EYA3: variants seen among roughly 807,000 people sequenced by gnomAD.
EYA3 encodes the protein EYA transcriptional coactivator and phosphatase 3.
EYA3 carries 39 observed loss-of-function variants against 80.0 expected under a neutral mutation model. The observed-to-expected ratio is 0.49, with a 90% confidence interval of 0.38 to 0.64. The LOEUF (loss-of-function observed/expected upper bound fraction) is 0.64. Among genes scored for constraint, EYA3 ranks in the 30% least tolerant of loss-of-function variants. The pLI, the probability that EYA3 is intolerant of heterozygous loss-of-function variation, is 0.00. For missense variants in EYA3, 523 were observed against 676.1 expected, an observed-to-expected ratio of 0.77 and a Z score of 2.51; for synonymous variants, 206 against 232.8, an observed-to-expected ratio of 0.88 and a Z score of 1.05.
In EYA3 at chr1:28,004,387, G is replaced by A. The variant is rs754683988; in HGVS notation, c.942C>T (p.Ile314=). The A allele has an allele frequency of 2.5e-6, 4 of 1,608,458 alleles. No individual in the cohort carries two copies. The highest frequency in any genetic ancestry group is 1.1e-5 in the South Asian group (1 of 90,584). ...CAGTAAGAAGTGAGTGGAAGATGAT[G>A]ATGGTTTCATCCAAGTCCCACAGAA... ...RVFLWDLDET[I]IIFHSLLTGS... Residue 314 remains isoleucine, a synonymous_variant, in exon 11 of 18, where the codon ATC becomes ATT. Coordinates refer to ENST00000373871, the MANE Select transcript of EYA3 (RefSeq NM_001990.4).
chr1:28,078,980 T>C (rs1476783845), intron 1 of EYA3, among the ~76,000 whole-genome samples: 3 of 152,184 alleles, frequency 2.0e-5, no homozygotes, highest in Non-Finnish European at 4.4e-5. Context: ...TGATATGCCA[T>C]ACTATAGTCA....
In EYA3 at chr1:28,064,359, C is replaced by CCTCT. The variant is rs753576988; in HGVS notation, c.-68-6269_-68-6266dup. On this transcript the variant is annotated intron_variant, in intron 1 of 17. Transcript: ENST00000373871. ...TTAGGTAGAGAGGGAAGCAAGCCAT[C>CCTCT]CTCTCTCTCTCTCTCTCTCTATATA... Among the ~76,000 whole-genome samples, 445 of 137,446 alleles carry CCTCT rather than the reference C, an allele frequency of 3.2e-3. 5 individuals carry two copies. The highest frequency in any genetic ancestry group is 0.012 in the African/African-American group (424 of 36,164). 90.2% of individuals were successfully genotyped at this position (137,446 alleles called of 152,430 possible).
At chr1:28,062,621 G>T (rs1317947306) in intron 1 of EYA3, among the ~76,000 whole-genome samples, 2 of 150,264 alleles carry the variant, frequency 1.3e-5, no homozygotes, top group African/African-American at 2.4e-5. Flanking sequence ...TGTTATTAAA[G>T]CTCTTAGGCT....
chr1:28,016,408 A>G (rs1642070635), intron 8 of EYA3, among the ~76,000 whole-genome samples: 1 of 152,020 alleles, frequency 6.6e-6, no homozygotes, highest in South Asian at 2.1e-4. Flanking sequence ...ACATGACTAT[A>G]GTTCCAGCTA....
At chr1:28,068,439 T>C (rs939482834) in intron 1 of EYA3, among the ~76,000 whole-genome samples, 1 of 152,180 alleles carries the variant, frequency 6.6e-6, no homozygotes, top group African/African-American at 2.4e-5. Flanking sequence ...GATCTTATGA[T>C]ATAACATCAT....
At chr1:28,007,083 G>T (rs1372077578) in intron 10 of EYA3, among the ~76,000 whole-genome samples, 1 of 151,410 alleles carries the variant, frequency 6.6e-6, no homozygotes, top group Non-Finnish European at 1.5e-5. Flanking sequence ...TGGGATTACA[G>T]GTGTGCACCA....
At chr1:28,058,139 T>C (rs1338038463) in intron 1 of EYA3, 45 bp from the exon 2 acceptor site, 10 of 738,302 alleles carry the variant, frequency 1.4e-5, no homozygotes, top group Non-Finnish European at 1.9e-5. Flanking sequence ...ACTCTTAAAG[T>C]ATTATCATTG....
chr1:27,984,250 C>G (rs12136036), intron 16 of EYA3, among the ~76,000 whole-genome samples: 4,727 of 151,838 alleles, frequency 0.031, 163 homozygotes, highest in African/African-American at 0.084. Flanking sequence ...ATGTTACCCA[C>G]GATGGTCCTG....
At chr1:28,067,556 G>A (rs1644876867) in intron 1 of EYA3, among the ~76,000 whole-genome samples, 1 of 152,110 alleles carries the variant, frequency 6.6e-6, no homozygotes, top group Non-Finnish European at 1.5e-5. Context: ...AAAAATTTCA[G>A]TTTTGAGGGA....
At position 28,067,157 on chromosome 1, in the gene EYA3, T is replaced by C. The variant is rs543491923; in HGVS notation, c.-68-9063A>G. ...TCATAAGATTGGCCACAGCCTAATC[T>C]GAATAATTTTTCTTAGGTGCTCACC... On this transcript the variant is annotated intron_variant, in intron 1 of 17. Coordinates refer to ENST00000373871, the MANE Select transcript of EYA3 (RefSeq NM_001990.4). Among the ~76,000 whole-genome samples the C allele has an allele frequency of 2.8e-3, 433 of 152,314 alleles. 2 individuals carry two copies. The highest frequency in any genetic ancestry group is 4.3e-3 in the Non-Finnish European group (290 of 68,010).
intron 1 of EYA3, among the ~76,000 whole-genome samples, chr1:28,076,884 G>A (rs1295446762): frequency 2.7e-5 from 4 of 150,242 alleles, no homozygotes; most frequent in South Asian, 2.1e-4. Context: ...GGGATTACAG[G>A]CATGCGCCAC....
chr1:27,973,876 C>G lies in EYA3; in HGVS notation c.*590G>C, dbSNP rs931856043. Reference sequence around the variant, plus strand: ...ACCTGCGTCAAAGATCAGACCCTTACCTATAAAAATAACATACACATTCGC... The same window carrying G: ...ACCTGCGTCAAAGATCAGACCCTTAGCTATAAAAATAACATACACATTCGC... On this transcript the variant is annotated 3_prime_UTR_variant, in exon 18 of 18. Transcript: ENST00000373871. 2 of 152,122 alleles carry G rather than the reference C, an allele frequency of 1.3e-5. No individual in the cohort carries two copies. 9.4% of individuals were successfully genotyped at this position (152,122 alleles called of 1,614,324 possible).
At chr1:28,070,493 C>T (rs1306340360) in intron 1 of EYA3, among the ~76,000 whole-genome samples, 1 of 151,946 alleles carries the variant, frequency 6.6e-6, no homozygotes, top group Admixed American at 6.6e-5. Flanking sequence ...ACCCAGGAGG[C>T]AGAGGTTGCA....
At chr1:28,045,174 T>G (rs1211234337) in intron 3 of EYA3, among the ~76,000 whole-genome samples, 3 of 152,216 alleles carry the variant, frequency 2.0e-5, no homozygotes, top group Non-Finnish European at 2.9e-5. Context: ...ACTCAAATGT[T>G]TATATTTTTG....
intron 8 of EYA3, among the ~76,000 whole-genome samples, chr1:28,015,392 G>T (rs907845051): frequency 6.6e-6 from 1 of 152,106 alleles, no homozygotes; most frequent in Non-Finnish European, 1.5e-5. Context: ...AATAGGGAAT[G>T]GGGACTCTCA....
chr1:28,018,133 T>C (rs1014538856), intron 7 of EYA3, among the ~76,000 whole-genome samples: 2 of 151,608 alleles, frequency 1.3e-5, no homozygotes, highest in Admixed American at 6.6e-5. Context: ...GAAGTGGAGG[T>C]TGCAATGAGC....
chr1:27,975,074 T>C (rs554176899), intron 17 of EYA3, among the ~76,000 whole-genome samples: 4 of 152,356 alleles, frequency 2.6e-5, no homozygotes, highest in South Asian at 2.1e-4. Flanking sequence ...CTAAATCTTA[T>C]CTATGTCCAA....
chr1:28,048,515 C>A, intron 2 of EYA3, 89 bp from the exon 3 acceptor site: 1 of 925,758 alleles, frequency 1.1e-6, no homozygotes, highest in Non-Finnish European at 1.7e-6. Flanking sequence ...TTAACTATTA[C>A]AGGATAACTG....
In EYA3 at chr1:28,010,666, T is replaced by C. The variant is rs563971127; in HGVS notation, c.909+281A>G. On this transcript the variant is annotated intron_variant, in intron 10 of 17. Coordinates refer to ENST00000373871, the MANE Select transcript of EYA3 (RefSeq NM_001990.4). The stretch of plus-strand genomic sequence containing the variant: ...GATTACAGATGTAAGCCACCGCACC[T>C]GACCCTTTTAAAATTTTAAATAGAG... 8 of 316,624 alleles carry C rather than the reference T, an allele frequency of 2.5e-5. No homozygotes were observed. The East Asian group carries it at 5.2e-4, about 21-fold the overall frequency. The allele number at this position is 316,624 out of a possible 1,614,324, so 19.6% of individuals were successfully genotyped here. A position where few individuals can be genotyped will look rare whatever the true frequency, so the allele number is the denominator to read the frequency against.
Sources: gnomAD v4.1 joint callset for allele counts (sites outside exome capture counted in the v4.1 genomes callset) on GRCh38, gnomAD v4.1.1 for gene constraint, MANE v1.5 for transcripts, NCBI Gene and HGNC (gene_info 2026-07-23, HGNC 2026-07-21) for gene names.